The following AGAP3 variants were observed in gnomAD, a reference collection of about 807,000 sequenced individuals.
AGAP3 encodes ArfGAP with GTPase domain, ankyrin repeat and PH domain 3.
In AGAP3, 24 loss-of-function variants were observed where a neutral mutation model predicts 96.9. The observed-to-expected ratio is 0.25, with a 90% CI of 0.18 to 0.35. The LOEUF (loss-of-function observed/expected upper bound fraction) is 0.35, where lower values mean the gene tolerates loss of function less well. Ranked by LOEUF, AGAP3 falls within the 10% of genes least tolerant of loss-of-function variation. AGAP3 has a pLI of 1.00. For synonymous variants in AGAP3, 563 were observed against 536.1 expected, an observed-to-expected ratio of 1.05 and a Z score of -0.69; for missense variants, 876 against 1,254.2, an observed-to-expected ratio of 0.70 and a Z score of 4.55.
intron 3 of AGAP3, 88 bp from the exon 4 acceptor site, chr7:151,117,282 CT>C (rs1799638303): frequency 1.9e-6 from 3 of 1,596,642 alleles, no homozygotes; most frequent in South Asian, 2.2e-5. Flanking sequence ...TTCCAGTCCT[CT>C]TCCCTCCCGC....
chr7:151,102,747 C>G (rs1344058141), intron 1 of AGAP3, among the ~76,000 whole-genome samples: 1 of 152,054 alleles, frequency 6.6e-6, no homozygotes, highest in Non-Finnish European at 1.5e-5. Context: ...TCCCAAGTAG[C>G]CAGGACTGCA....
intron 1 of AGAP3, among the ~76,000 whole-genome samples, chr7:151,091,963 C>T (rs1360246829): frequency 6.6e-6 from 1 of 150,844 alleles, no homozygotes; most frequent in Non-Finnish European, 1.5e-5. Flanking sequence ...GCTCTCGGAA[C>T]GGCAAGTTGG....
rs370603527 is a variant in AGAP3, at chr7:151,128,303, G to A, written c.1222-277G>A. The A allele has an allele frequency of 1.6e-5, 7 of 438,992 alleles. No individual in the cohort carries two copies. In the Admixed American group the frequency reaches 1.7e-4, roughly 11 times the overall value. The allele number at this position is 438,992 out of a possible 1,614,324, so 27.2% of individuals were successfully genotyped here. On this transcript the variant is annotated intron_variant, in intron 9 of 17. Coordinates refer to ENST00000397238, the MANE Select transcript of AGAP3 (RefSeq NM_031946.7). ...ACACCCCTGACAGGCTTCTCCTGTC[G>A]AGGTGGCTCCACACACTGGGGAGGG...
chr7:151,114,607 C>T lies in AGAP3; in HGVS notation c.332-2186C>T, dbSNP rs1201794965. 1.6e-6 allele frequency: 1 copy of T among 636,186 alleles called. No individual in the cohort carries two copies. Among genetic ancestry groups the T allele is most frequent in the Non-Finnish European group, 2.0e-6 (1 of 509,108 alleles). 39.4% of individuals were successfully genotyped at this position (636,186 alleles called of 1,614,324 possible). ...GGGCTGGGCTGACTCCCGGCCTCTC[C>T]AGGTCTGGGCTTGCCGGCCGCGAGG... On this transcript the variant is annotated intron_variant, in intron 1 of 17. Coordinates refer to ENST00000397238, the MANE Select transcript of AGAP3 (RefSeq NM_031946.7). This position sits in a 1 kb window ranked among gnomAD's most constrained non-coding sequence, Gnocchi z 4.4.
chr7:151,125,280 A>G (rs1800108087), intron 9 of AGAP3, among the ~76,000 whole-genome samples: 2 of 152,196 alleles, frequency 1.3e-5, no homozygotes, highest in South Asian at 2.1e-4. Flanking sequence ...TTGGGGTCCT[A>G]CGTGCTCCCT....
intron 1 of AGAP3, among the ~76,000 whole-genome samples, chr7:151,098,737 T>C (rs1438062029): frequency 3.4e-5 from 5 of 147,824 alleles, no homozygotes; most frequent in South Asian, 2.1e-4. Context: ...TCTTTTCTTT[T>C]TTTTTTTTTT....
chr7:151,089,617 T>G (rs1798309170), intron 1 of AGAP3: 1 of 152,166 alleles, frequency 6.6e-6, no homozygotes, highest in South Asian at 2.1e-4. Flanking sequence ...TCCTGTAGTC[T>G]CTGCCACTCA....
chr7:151,122,966 G>A, intron 8 of AGAP3: 2 of 1,431,586 alleles, frequency 1.4e-6, no homozygotes, highest in South Asian at 1.5e-5. Flanking sequence ...GCCGGAGCCC[G>A]CGCTGGGGGC....
chr7:151,134,457 G>A lies in AGAP3; in HGVS notation c.1384G>A (p.Val462Met). The A allele has an allele frequency of 6.2e-7, 1 of 1,613,370 alleles. No individual in the cohort carries two copies. The highest frequency in any genetic ancestry group is 8.5e-7 in the Non-Finnish European group (1 of 1,180,022). ...TGACCTGCTGCGGACAACGGTGAAA[G>A]TGCCAGGGAAGCGCCTGCCCCGAGC... ...EIDLLRTTVK[V>M]PGKRLPRATP... is the part of the protein sequence containing the mutation. Residue 462 changes from valine (V) to methionine (M), a missense_variant, in exon 11 of 18, where the codon GTG becomes ATG. Val to Met is a conservative substitution (Grantham distance 21, BLOSUM62 1). Around this residue, in one of 8 missense-constraint regions of AGAP3, gnomAD observed 63 missense variants for 114.5 expected, o/e 0.55. Transcript: ENST00000397238.
rs1023909692 is a variant in AGAP3 at position 151,143,587 on chromosome 7, G to T, written c.2520G>T (p.Leu840=). 4 of 1,602,828 alleles carry T rather than the reference G, an allele frequency of 2.5e-6. No homozygotes were observed. In the African/African-American group the frequency reaches 5.3e-5, roughly 21 times the overall value. ...SAMANVVFTQ[L]LIWYGVDVRS... Reference sequence around the variant, plus strand: ...TGGCCAACGTTGTCTTCACGCAGCTGCTCATCTGGGTGAGTCACGTGCCTC... The same window carrying T: ...TGGCCAACGTTGTCTTCACGCAGCTTCTCATCTGGGTGAGTCACGTGCCTC... The change falls in exon 17 of 18, where the codon CTG becomes CTT. Residue 840 remains leucine (L), a synonymous_variant. Coordinates refer to ENST00000397238, the MANE Select transcript of AGAP3 (RefSeq NM_031946.7). This position sits in a 1 kb window ranked among gnomAD's most constrained non-coding sequence, Gnocchi z 5.9.
chr7:151,093,108 A>T (rs931980444), intron 1 of AGAP3, among the ~76,000 whole-genome samples: 1 of 152,132 alleles, frequency 6.6e-6, no homozygotes, highest in Non-Finnish European at 1.5e-5. Context: ...AGAAACATAT[A>T]TATGTATGTA....
In AGAP3 at chr7:151,143,683, C is replaced by A; in HGVS notation, c.2530-54C>A. The A allele has an allele frequency of 5.0e-6, 8 of 1,610,968 alleles. No homozygotes were observed. Among genetic ancestry groups the A allele is most frequent in the Non-Finnish European group, 6.8e-6 (8 of 1,177,484 alleles). On this transcript the variant is annotated intron_variant, in intron 17 of 17. Transcript: ENST00000397238. This position sits in a 1 kb window ranked among gnomAD's most constrained non-coding sequence, Gnocchi z 5.9. ...AACCTCTTCTTTCCTCCCCTACAAC[C>A]AATCTCTCTCCTCCCATGTCTTGCC... is the stretch of plus-strand genomic sequence containing the variant.
intron 1 of AGAP3, among the ~76,000 whole-genome samples, chr7:151,103,315 A>T (rs2150427244): frequency 6.6e-6 from 1 of 152,358 alleles, no homozygotes; most frequent in East Asian, 1.9e-4. Context: ...ACCTTTATGC[A>T]CAGGGAGAAA....
intron 8 of AGAP3, chr7:151,123,089 T>C: frequency 8.5e-7 from 1 of 1,176,812 alleles, no homozygotes; most frequent in Admixed American, 4.6e-5. Context: ...GGCGGGGGAG[T>C]CCAAGCCCGC....
intron 11 of AGAP3, among the ~76,000 whole-genome samples, chr7:151,136,986 G>T (rs1403342958): frequency 6.6e-6 from 1 of 152,234 alleles, no homozygotes; most frequent in East Asian, 1.9e-4. Context: ...TGTGCTGCAC[G>T]TATGTGACTA....
intron 4 of AGAP3, 41 bp from the exon 5 acceptor site, chr7:151,117,595 A>C (rs1563474011): frequency 6.2e-7 from 1 of 1,612,322 alleles, no homozygotes; most frequent in African/African-American, 1.3e-5. Flanking sequence ...GGAGTTTGCC[A>C]GGTCCAGTTG....
intron 7 of AGAP3, among the ~76,000 whole-genome samples, chr7:151,119,598 G>GA: frequency 6.6e-6 from 1 of 152,336 alleles, no homozygotes; most frequent in South Asian, 2.1e-4. Flanking sequence ...ACCTGAATGT[G>GA]AGAGTTTGTC....
At chr7:151,115,064 T>TGCGCCCAGCCCC (rs1162316504) in intron 1 of AGAP3, 144 of 1,014,342 alleles carry the variant, frequency 1.4e-4, no homozygotes, top group Non-Finnish European at 1.5e-4. Flanking sequence ...CCGTCTCGCC[T>TGCGCCCAGCCCC]GCGCCCAGCC....
chr7:151,131,813 TC>T (rs1245508330), intron 10 of AGAP3, among the ~76,000 whole-genome samples: 1 of 152,176 alleles, frequency 6.6e-6, no homozygotes, highest in Admixed American at 6.5e-5. Context: ...TCCTGCCATG[TC>T]CCAGCCTGGG....
Sources: allele counts gnomAD v4.1 joint callset (sites outside exome capture counted in the v4.1 genomes callset), GRCh38; gene constraint gnomAD v4.1.1; regional missense constraint gnomAD v4.1.1; non-coding constraint Gnocchi (gnomAD v3.1); transcripts MANE v1.5; gene names NCBI Gene and HGNC (gene_info 2026-07-23, HGNC 2026-07-21).